The following TCEA1 variants were observed in gnomAD, a reference collection of about 807,000 sequenced individuals.
TCEA1 encodes the protein transcription elongation factor A protein 1.
In TCEA1, 21 loss-of-function variants were observed where a neutral mutation model predicts 43.8. The ratio of observed to expected loss-of-function variants is 0.48; its 90% CI spans 0.34 to 0.69. The LOEUF (loss-of-function observed/expected upper bound fraction) is 0.69, where lower values mean the gene tolerates loss of function less well. Among genes scored for constraint, TCEA1 ranks in the 30% least tolerant of loss-of-function variants. The pLI is 0.01. For synonymous variants in TCEA1, 104 were observed against 117.5 expected (o/e 0.88, Z 0.75); for missense variants, 250 against 365.1 (o/e 0.68, Z 2.57).
chr8:53,999,961 G>C lies in TCEA1; in HGVS notation c.216C>G (p.Ser72=). Residue 72 remains serine (S), a synonymous_variant, in exon 3 of 10, where the codon TCC becomes TCG. Transcript: ENST00000521604. The part of the protein sequence containing the change: ...VTSLAKSLIK[S]WKKLLDGPST... ...CAATGATACCTAATAATTTTTTCCA[G>C]GATTTGATGAGAGACTTTGCCAAAG... 1 of 1,593,240 alleles carries C rather than the reference G, an allele frequency of 6.3e-7. No homozygotes were observed. Among genetic ancestry groups the C allele is most frequent in the Non-Finnish European group, 8.6e-7 (1 of 1,166,406 alleles).
chr8:53,966,972 A>G lies in TCEA1; in HGVS notation c.*1132T>C, dbSNP rs1390611096. On this transcript the variant is annotated 3_prime_UTR_variant, in exon 10 of 10. Transcript: ENST00000521604. Reference sequence around the variant, plus strand: ...AAACAATTTTTGTCTTACTCCAAACAGAAAAAATGGTACACACTTTAACAA... The same window carrying G: ...AAACAATTTTTGTCTTACTCCAAACGGAAAAAATGGTACACACTTTAACAA... 1 of 202,266 alleles carries G rather than the reference A, an allele frequency of 4.9e-6. No homozygotes were observed. Among genetic ancestry groups the G allele is most frequent in the African/African-American group, 2.3e-5 (1 of 43,460 alleles). The allele number at this position is 202,266 out of a possible 1,614,324, so 12.5% of individuals were successfully genotyped here. A position where few individuals can be genotyped will look rare whatever the true frequency, so the allele number is the denominator to read the frequency against.
At chr8:53,995,193 G>A (rs939032126) in intron 3 of TCEA1, among the ~76,000 whole-genome samples, 1 of 151,344 alleles carries the variant, frequency 6.6e-6, no homozygotes, top group African/African-American at 2.4e-5. Context: ...CCCAGCTAAC[G>A]CTGAGGCAGG....
intron 8 of TCEA1, among the ~76,000 whole-genome samples, chr8:53,977,011 A>G (rs756295919): frequency 1.3e-5 from 2 of 152,234 alleles, no homozygotes; most frequent in African/African-American, 2.4e-5. Context: ...AACATTTTCC[A>G]TATGTGTTTA....
chr8:53,987,050 C>A, intron 5 of TCEA1, 25 bp from the exon 6 acceptor site: 2 of 1,563,920 alleles, frequency 1.3e-6, no homozygotes, highest in South Asian at 2.4e-5. Context: ...AAAGAATTGT[C>A]AAATTATTGT....
At chr8:54,011,557 A>G (rs1038137259) in intron 1 of TCEA1, among the ~76,000 whole-genome samples, 1 of 152,260 alleles carries the variant, frequency 6.6e-6, no homozygotes, top group Admixed American at 6.5e-5. Flanking sequence ...CTGGCCAATG[A>G]TATGTGTACC....
At chr8:53,986,935 A>C in intron 6 of TCEA1, 34 bp downstream of exon 6, 5 of 1,517,364 alleles carry the variant, frequency 3.3e-6, no homozygotes, top group Non-Finnish European at 4.4e-6. Flanking sequence ...TACTTATTAA[A>C]AAAAACAATT....
intron 8 of TCEA1, chr8:53,972,552 T>A (rs1009646589): frequency 1.6e-5 from 9 of 547,960 alleles, no homozygotes; most frequent in South Asian, 1.2e-4. Flanking sequence ...GGCAAAAGAT[T>A]TGCTGACTCT....
chr8:53,996,427 C>A (rs1385960537), intron 3 of TCEA1, among the ~76,000 whole-genome samples: 1 of 152,194 alleles, frequency 6.6e-6, no homozygotes, highest in African/African-American at 2.4e-5. Flanking sequence ...ATAGCACCTA[C>A]CAAATTGGAT....
intron 8 of TCEA1, chr8:53,973,487 G>T: frequency 2.0e-6 from 1 of 496,588 alleles, no homozygotes. Context: ...AAAAAAATAG[G>T]TATAAAGAAA....
chr8:53,985,691 C>T (rs1563478986), intron 6 of TCEA1, among the ~76,000 whole-genome samples: 1 of 152,170 alleles, frequency 6.6e-6, no homozygotes, highest in Non-Finnish European at 1.5e-5. Context: ...TGTTACACAG[C>T]CACCTAGATG....
chr8:53,971,011 G>A (rs1803140581), intron 8 of TCEA1, among the ~76,000 whole-genome samples: 1 of 152,106 alleles, frequency 6.6e-6, no homozygotes, highest in Admixed American at 6.6e-5. Context: ...TACAAAGGAT[G>A]TTTAAAGAGT....
At chr8:53,984,214 CT>C in intron 7 of TCEA1, 148 bp downstream of exon 7, 1 of 658,718 alleles carries the variant, frequency 1.5e-6, no homozygotes, top group Non-Finnish European at 2.3e-6. Flanking sequence ...ACACAATCAC[CT>C]TAAGTATTTG....
intron 7 of TCEA1, among the ~76,000 whole-genome samples, chr8:53,981,545 A>G (rs892252327): frequency 1.3e-5 from 2 of 152,220 alleles, no homozygotes; most frequent in Admixed American, 6.5e-5. Context: ...AGCATGATTT[A>G]CTGAATATTT....
intron 8 of TCEA1, chr8:53,973,241 G>C (rs1803219615): frequency 2.1e-6 from 1 of 472,446 alleles, no homozygotes; most frequent in Non-Finnish European, 4.0e-6. Flanking sequence ...AGAAAAGAAA[G>C]ACAAAGAAAA....
intron 8 of TCEA1, among the ~76,000 whole-genome samples, chr8:53,970,696 G>C (rs563634118): frequency 2.8e-4 from 42 of 152,090 alleles, no homozygotes; most frequent in African/African-American, 9.2e-4. Context: ...CCAGATAAGT[G>C]GGAAAATCCT....
Position 54,010,475 on chromosome 8 carries a change from C to T in TCEA1, c.81G>A (p.Leu27=). The change falls in exon 2 of 10, where the codon TTG becomes TTA. Residue 27 remains leucine, a synonymous_variant. Coordinates refer to ENST00000521604, the MANE Select transcript of TCEA1 (RefSeq NM_006756.4). ...QKKNAAGALD[L]LKELKNIPMT... ...TAGGAATATTCTTAAGCTCCTTTAG[C>T]AAATCCAATGCTCCAGCCTATAAAA... is the stretch of plus-strand genomic sequence containing the variant. 6.2e-7 allele frequency: 1 copy of T among 1,605,228 alleles called. No individual in the cohort carries two copies. The highest frequency in any genetic ancestry group is 8.5e-7 in the Non-Finnish European group (1 of 1,176,614).
At chr8:53,971,696 T>C (rs1803162380) in intron 8 of TCEA1, 1 of 199,540 alleles carries the variant, frequency 5.0e-6, no homozygotes, top group Non-Finnish European at 9.8e-6. Context: ...AACGTTTTTA[T>C]GACCTTTCAG....
At chr8:54,020,463 C>T (rs967845970) in intron 1 of TCEA1, among the ~76,000 whole-genome samples, 3 of 152,056 alleles carry the variant, frequency 2.0e-5, no homozygotes. Context: ...AAATGAAATA[C>T]GAGGCAATGC....
At chr8:54,012,962 C>CAA (rs72062714) in intron 1 of TCEA1, among the ~76,000 whole-genome samples, 184 of 76,744 alleles carry the variant, frequency 2.4e-3, no homozygotes, top group African/African-American at 4.2e-3. Context: ...ACGACGACGA[C>CAA]AAAAAAAAAA....
Sources: gnomAD v4.1 joint callset for allele counts (sites outside exome capture counted in the v4.1 genomes callset) on GRCh38, gnomAD v4.1.1 for gene constraint, MANE v1.5 for transcripts, NCBI Gene and HGNC (gene_info 2026-07-23, HGNC 2026-07-21) for gene names.